Variants in SLC35F1 observed in about 807,000 individuals in gnomAD.
The protein encoded by SLC35F1 is solute carrier family 35 member F1, also known as chromosome 6 open reading frame 169.
Under a neutral mutation model 48.7 loss-of-function variants are expected in SLC35F1, and 14 were observed. The ratio of observed to expected loss-of-function variants is 0.29; its 90% CI spans 0.19 to 0.45. The LOEUF is 0.45. SLC35F1 is among the 20% of genes least tolerant of loss of function. The pLI is 1.00. For synonymous variants in SLC35F1, 190 were observed against 202.2 expected (o/e 0.94, Z 0.51); for missense variants, 404 against 500.0 (o/e 0.81, Z 1.83).
At chr6:118,072,676 C>T (rs370175437) in intron 1 of SLC35F1, among the ~76,000 whole-genome samples, 1 of 151,880 alleles carries the variant, frequency 6.6e-6, no homozygotes, top group Non-Finnish European at 1.5e-5. Flanking sequence ...TGGAGGCTTC[C>T]TTTGGTTGTC....
chr6:118,193,485 C>T (rs112549033), intron 2 of SLC35F1, among the ~76,000 whole-genome samples: 14 of 152,248 alleles, frequency 9.2e-5, no homozygotes, highest in Middle Eastern at 3.4e-3. Flanking sequence ...TAGCTTTATC[C>T]TATCTAATAT....
intron 1 of SLC35F1, among the ~76,000 whole-genome samples, chr6:118,120,473 A>G (rs1221575324): frequency 2.6e-5 from 4 of 152,200 alleles, no homozygotes; most frequent in African/African-American, 9.6e-5. Flanking sequence ...AATTCCCTTT[A>G]TAGCTGTATA....
chr6:118,012,918 T>C (rs1178403727), intron 1 of SLC35F1, among the ~76,000 whole-genome samples: 1 of 70,984 alleles, frequency 1.4e-5, no homozygotes, highest in Non-Finnish European at 3.6e-5. Context: ...TAGATGTGAT[T>C]TTTTTTTTCT....
At chr6:118,217,364 T>G (rs1320638147) in intron 2 of SLC35F1, among the ~76,000 whole-genome samples, 1 of 152,152 alleles carries the variant, frequency 6.6e-6, no homozygotes, top group Non-Finnish European at 1.5e-5. Flanking sequence ...CATAGTAAAT[T>G]GAATGTCAGA....
intron 1 of SLC35F1, among the ~76,000 whole-genome samples, chr6:118,110,117 T>A (rs953292754): frequency 6.6e-6 from 1 of 152,124 alleles, no homozygotes; most frequent in African/African-American, 2.4e-5. Context: ...ATGCCATGGA[T>A]CTCTTGGTGG....
rs1772369974 is a variant in SLC35F1 at position 118,050,345 on chromosome 6, C to A, written c.174-104100C>A. Among the ~76,000 whole-genome samples the A allele has an allele frequency of 2.0e-5, 3 of 150,290 alleles. No homozygotes were observed. The East Asian group carries it at 5.9e-4, about 29-fold the overall frequency. ...CTAACCTGCACATTGTGCGCATGTACCCTAAAACTTAAAGTATAATAATAA... is the reference window on the plus strand; with the variant it reads ...CTAACCTGCACATTGTGCGCATGTAACCTAAAACTTAAAGTATAATAATAA... On this transcript the variant is annotated intron_variant, in intron 1 of 7. Transcript: ENST00000360388.
At chr6:118,038,518 G>T (rs923751299) in intron 1 of SLC35F1, among the ~76,000 whole-genome samples, 1 of 147,316 alleles carries the variant, frequency 6.8e-6, no homozygotes, top group Non-Finnish European at 1.5e-5. Flanking sequence ...AGAACATGAG[G>T]TGTCTTTCCA....
At chr6:118,216,288 C>T (rs1346658691) in intron 2 of SLC35F1, among the ~76,000 whole-genome samples, 2 of 150,838 alleles carry the variant, frequency 1.3e-5, no homozygotes, top group African/African-American at 4.9e-5. Context: ...CACTATGTTG[C>T]CCAGGCTGAT....
At chr6:118,090,442 A>T (rs1332319279) in intron 1 of SLC35F1, among the ~76,000 whole-genome samples, 6 of 152,224 alleles carry the variant, frequency 3.9e-5, no homozygotes, top group Non-Finnish European at 7.3e-5. Context: ...ATGGTGAGAT[A>T]CTACTTTAAA....
At chr6:118,099,899 A>C (rs1001495616) in intron 1 of SLC35F1, among the ~76,000 whole-genome samples, 61 of 152,218 alleles carry the variant, frequency 4.0e-4, no homozygotes, top group African/African-American at 1.4e-3. Flanking sequence ...CTGTGATTTG[A>C]TATTAAAGAA....
intron 2 of SLC35F1, among the ~76,000 whole-genome samples, chr6:118,178,470 A>T (rs1405650608): frequency 2.0e-5 from 3 of 152,128 alleles, no homozygotes; most frequent in Non-Finnish European, 4.4e-5. Flanking sequence ...TTAAAAGTGA[A>T]TATCAGCATA....
At chr6:118,157,592 G>A (rs1774165494) in intron 2 of SLC35F1, among the ~76,000 whole-genome samples, 1 of 152,184 alleles carries the variant, frequency 6.6e-6, no homozygotes, top group Non-Finnish European at 1.5e-5. Flanking sequence ...TGTGGCCGAA[G>A]TCCCCAAAGC....
intron 2 of SLC35F1, among the ~76,000 whole-genome samples, chr6:118,189,462 A>G (rs147767729): frequency 6.6e-5 from 10 of 152,258 alleles, no homozygotes; most frequent in Admixed American, 1.3e-4. Context: ...TCAGATTATT[A>G]TTATCATTTT....
intron 1 of SLC35F1, among the ~76,000 whole-genome samples, chr6:117,914,120 ATCT>A (rs1775798110): frequency 6.6e-6 from 1 of 151,636 alleles, no homozygotes; most frequent in South Asian, 2.1e-4. Context: ...CTATCTATCT[ATCT>A]ATCTATCTAT....
chr6:118,123,806 A>G (rs748679836), intron 1 of SLC35F1, among the ~76,000 whole-genome samples: 8 of 152,178 alleles, frequency 5.3e-5, no homozygotes, highest in African/African-American at 4.8e-5. Context: ...CTGAGTCAAA[A>G]TGGTAATTCT....
chr6:118,295,665 A>T (rs1278646382), intron 7 of SLC35F1, among the ~76,000 whole-genome samples: 1 of 152,174 alleles, frequency 6.6e-6, no homozygotes, highest in African/African-American at 2.4e-5. Context: ...CTTATTTTTT[A>T]AAATGCCCTC....
At chr6:117,981,617 T>C (rs1321585718) in intron 1 of SLC35F1, among the ~76,000 whole-genome samples, 1 of 152,148 alleles carries the variant, frequency 6.6e-6, no homozygotes, top group Non-Finnish European at 1.5e-5. Flanking sequence ...GGCTTCTGCA[T>C]GTTTATAGGG....
At chr6:118,036,742 G>T (rs1409946330) in intron 1 of SLC35F1, among the ~76,000 whole-genome samples, 3 of 152,046 alleles carry the variant, frequency 2.0e-5, no homozygotes, top group African/African-American at 4.8e-5. Context: ...ACTTCTTTTG[G>T]TAGGGATGAA....
chr6:118,149,844 T>A (rs544834990), intron 1 of SLC35F1, among the ~76,000 whole-genome samples: 7 of 152,200 alleles, frequency 4.6e-5, no homozygotes, highest in Non-Finnish European at 1.0e-4. Flanking sequence ...ATTACAGATA[T>A]CTTGATGGAA....
Sources: gnomAD v4.1 joint callset for allele counts (sites outside exome capture counted in the v4.1 genomes callset) on GRCh38, gnomAD v4.1.1 for gene constraint, MANE v1.5 for transcripts, NCBI Gene and HGNC (gene_info 2026-07-23, HGNC 2026-07-21) for gene names.